ATP11A: variants seen among roughly 807,000 people sequenced by gnomAD.
ATP11A encodes ATPase phospholipid transporting 11A, also known as phospholipid-transporting ATPase IH.
Under a neutral mutation model 154.4 loss-of-function variants are expected in ATP11A, and 81 were observed. The ratio of observed to expected loss-of-function variants is 0.52; its 90% confidence interval spans 0.44 to 0.63. ATP11A has a LOEUF of 0.63. ATP11A is among the 30% of genes least tolerant of loss of function. ATP11A has a pLI of 0.00. For missense variants in ATP11A, 1,316 were observed against 1,474.3 expected (o/e 0.89, Z 1.76); for synonymous variants, 623 against 585.9 (o/e 1.06, Z -0.91).
At chr13:112,702,702 G>A (rs368972207) in intron 1 of ATP11A, among the ~76,000 whole-genome samples, 1 of 150,154 alleles carries the variant, frequency 6.7e-6, no homozygotes, top group African/African-American at 2.4e-5. Flanking sequence ...TTTCAAAAGC[G>A]GTAACTAAAC....
chr13:112,780,144 C>A lies in ATP11A; in HGVS notation c.40-4991C>A, dbSNP rs555145932. 4.6e-5 allele frequency among the ~76,000 whole-genome samples: 7 copies of A among 152,016 alleles called. No individual in the cohort carries two copies. In the South Asian group the frequency reaches 1.5e-3, roughly 32 times the overall value. The stretch of plus-strand genomic sequence containing the variant: ...GCATGCCTTTCATTTGGCAAAAATA[C>A]TTACAACATTTTTACTGAGGTATAA... On this transcript the variant is annotated intron_variant, in intron 1 of 29. Transcript: ENST00000375645.
At chr13:112,811,047 C>T (rs1449989854) in intron 5 of ATP11A, among the ~76,000 whole-genome samples, 1 of 150,908 alleles carries the variant, frequency 6.6e-6, no homozygotes, top group Non-Finnish European at 1.5e-5. Flanking sequence ...CCCAAGCTCC[C>T]TACTTCTTTT....
At chr13:112,860,643 G>A in intron 24 of ATP11A, 1 of 480,492 alleles carries the variant, frequency 2.1e-6, no homozygotes, top group Non-Finnish European at 3.7e-6. Context: ...GAACATCTGT[G>A]TGGAGCCAGT....
chr13:112,858,364 C>T, intron 22 of ATP11A, 74 bp downstream of exon 22: 1 of 1,448,828 alleles, frequency 6.9e-7, no homozygotes, highest in Non-Finnish European at 9.3e-7. Flanking sequence ...CTTGTCTGAG[C>T]CACTTGATGC....
intron 1 of ATP11A, among the ~76,000 whole-genome samples, chr13:112,769,400 G>A (rs1036744120): frequency 5.3e-5 from 8 of 152,234 alleles, no homozygotes; most frequent in Admixed American, 2.6e-4. Context: ...TGCCCGCTGC[G>A]TTTGGGGGTG....
At chr13:112,777,428 G>A (rs143734875) in intron 1 of ATP11A, among the ~76,000 whole-genome samples, 45 of 152,282 alleles carry the variant, frequency 3.0e-4, no homozygotes, top group Non-Finnish European at 5.9e-4. Context: ...GCCAAGTGTG[G>A]TGGCATACAC....
At chr13:112,876,223 A>G (rs774308177) in intron 28 of ATP11A, 10 of 267,756 alleles carry the variant, frequency 3.7e-5, no homozygotes, top group Non-Finnish European at 7.0e-5. Flanking sequence ...ATGTAAATGG[A>G]AACCTTTTTT....
chr13:112,865,096 G>GTGCGGCCCA (rs2080279721), intron 25 of ATP11A, among the ~76,000 whole-genome samples: 1 of 115,396 alleles, frequency 8.7e-6, no homozygotes, highest in Non-Finnish European at 1.8e-5. Context: ...CAGTAATTCA[G>GTGCGGCCCA]TGCAGCCCAT....
intron 14 of ATP11A, among the ~76,000 whole-genome samples, chr13:112,833,835 C>A (rs995184784): frequency 6.6e-6 from 1 of 152,252 alleles, no homozygotes. Context: ...CCACTGCCTT[C>A]ATCACAGGTG....
At chr13:112,863,072 C>T (rs1354809433) in intron 25 of ATP11A, among the ~76,000 whole-genome samples, 1 of 147,232 alleles carries the variant, frequency 6.8e-6, no homozygotes, top group African/African-American at 2.6e-5. Context: ...CAGCAGGGTC[C>T]ATCACCACCT....
chr13:112,738,373 CAAAA>C (rs1241791737), intron 1 of ATP11A, among the ~76,000 whole-genome samples: 2 of 151,888 alleles, frequency 1.3e-5, no homozygotes, highest in East Asian at 1.9e-4. Flanking sequence ...AACACCGTCT[CAAAA>C]AGAAAAGAAA....
chr13:112,728,630 G>A lies in ATP11A; in HGVS notation c.39+38175G>A, dbSNP rs150330734. ...GTGAGACCGTGCGGCCCGCCTCCCT[G>A]TGTTACCTGTATGTACCGCTTTGTC... On this transcript the variant is annotated intron_variant, in intron 1 of 29. Coordinates refer to ENST00000375645, the MANE Select transcript of ATP11A (RefSeq NM_015205.3). Among the ~76,000 whole-genome samples, 1,295 of 149,624 alleles carry A rather than the reference G, an allele frequency of 8.7e-3. 7 individuals carry two copies. Among genetic ancestry groups the A allele is most frequent in the Middle Eastern group, 0.053 (15 of 284 alleles).
At position 112,746,443 on chromosome 13, in the gene ATP11A, G is replaced by T. The variant is rs960037870; in HGVS notation, c.40-38692G>T. On this transcript the variant is annotated intron_variant, in intron 1 of 29. Transcript: ENST00000375645. This position sits in a 1 kb window ranked among gnomAD's most constrained non-coding sequence, Gnocchi z 4.1. ...TTCCGGCTCCCCGCGTCCTCCCCGG[G>T]TAACTGGGGCTCTGGTTCCCCACGT... is the stretch of plus-strand genomic sequence containing the variant. The T allele has an allele frequency of 2.0e-5, 3 of 152,194 alleles. No homozygotes were observed. The highest frequency in any genetic ancestry group is 7.2e-5 in the African/African-American group (3 of 41,410). 9.4% of individuals were successfully genotyped at this position (152,194 alleles called of 1,614,324 possible).
chr13:112,841,960 A>G (rs2079433242), intron 16 of ATP11A, among the ~76,000 whole-genome samples: 1 of 152,236 alleles, frequency 6.6e-6, no homozygotes, highest in African/African-American at 2.4e-5. Context: ...GGGTCACCCC[A>G]ACGCCCGTCC....
intron 1 of ATP11A, among the ~76,000 whole-genome samples, chr13:112,698,371 A>G (rs1255843980): frequency 1.3e-5 from 2 of 152,216 alleles, no homozygotes; most frequent in Non-Finnish European, 2.9e-5. Flanking sequence ...CAGAGCCTAA[A>G]GAAAACTGCT....
intron 2 of ATP11A, among the ~76,000 whole-genome samples, chr13:112,788,636 T>TGC (rs1378793984): frequency 6.6e-6 from 1 of 151,062 alleles, no homozygotes; most frequent in African/African-American, 2.4e-5. Flanking sequence ...TATTCTGACA[T>TGC]GTAGACTCCT....
At chr13:112,741,345 T>G (rs1347050601) in intron 1 of ATP11A, among the ~76,000 whole-genome samples, 1 of 76,566 alleles carries the variant, frequency 1.3e-5, no homozygotes, top group African/African-American at 5.4e-5. Context: ...GAAGGTGGCC[T>G]GGTCCCTGCG....
intron 1 of ATP11A, among the ~76,000 whole-genome samples, chr13:112,701,214 A>G (rs1449319490): frequency 3.9e-5 from 6 of 152,228 alleles, no homozygotes; most frequent in Admixed American, 3.9e-4. Flanking sequence ...CATCCCAGCC[A>G]GGAGAGGAGA....
intron 13 of ATP11A, among the ~76,000 whole-genome samples, chr13:112,832,032 TCACA>T (rs1265234513): frequency 6.1e-5 from 9 of 148,374 alleles, no homozygotes; most frequent in Admixed American, 2.0e-4. Context: ...AGACACACTC[TCACA>T]CACTCCCTGA....
Sources: allele counts gnomAD v4.1 joint callset (sites outside exome capture counted in the v4.1 genomes callset), GRCh38; gene constraint gnomAD v4.1.1; non-coding constraint Gnocchi (gnomAD v3.1); transcripts MANE v1.5; gene names NCBI Gene and HGNC (gene_info 2026-07-23, HGNC 2026-07-21).